Variants in ABLIM1 observed in about 807,000 individuals in gnomAD.
The protein encoded by ABLIM1 is actin-binding LIM protein 1.
ABLIM1 carries 40 observed loss-of-function variants against 107.0 expected under a neutral mutation model. That is an observed-to-expected ratio of 0.37 (90% CI 0.29 to 0.49). ABLIM1 has a LOEUF of 0.49. Among genes scored for constraint, ABLIM1 ranks in the 20% least tolerant of loss-of-function variants. The pLI is 0.97. For missense variants in ABLIM1, 857 were observed against 1,008.5 expected (o/e 0.85, Z 2.04); for synonymous variants, 357 against 357.3 (o/e 1.00, Z 0.01).
At position 114,439,181 on chromosome 10, in the gene ABLIM1, G is replaced by T; in HGVS notation, c.2137C>A (p.Pro713Thr). The stretch of plus-strand genomic sequence containing the variant: ...AAAAGAACAGCTGCACTTGCCTTTG[G>T]TTCCAACATGTTGGGCATAGACACT... The part of the protein sequence containing the change: ...RGVSMPNMLE[P>T]KIFPYEMLMV... The change falls in exon 21 of 23, where the codon CCA becomes ACA. Residue 713 changes from proline to threonine, a missense_variant. By Grantham distance (38) the Pro-to-Thr change is conservative (BLOSUM62 -1). Coordinates refer to ENST00000533213, the MANE Select transcript of ABLIM1 (RefSeq NM_002313.7). 1 of 1,614,188 alleles carries T rather than the reference G, an allele frequency of 6.2e-7. No individual in the cohort carries two copies. The highest frequency in any genetic ancestry group is 8.5e-7 in the Non-Finnish European group (1 of 1,180,028).
In ABLIM1 at chr10:114,693,827, T is replaced by C. The variant is rs748889266; in HGVS notation, c.-213+74234A>G. The stretch of plus-strand genomic sequence containing the variant: ...CATGCCTGGCTGATTTTAAAAAAAC[T>C]TTTTTTTTTTTTTTTGTAGAGATTG... On this transcript the variant is annotated intron_variant, in intron 1 of 15. Coordinates refer to the ABLIM1 transcript ENST00000651092. Among the ~76,000 whole-genome samples, 120 of 29,196 alleles carry C rather than the reference T, an allele frequency of 4.1e-3. No individual in the cohort carries two copies. The South Asian group carries it at 0.062, about 15-fold the overall frequency. 19.2% of individuals were successfully genotyped at this position (29,196 alleles called of 152,430 possible). A position where few individuals can be genotyped will look rare whatever the true frequency, so the allele number is the denominator to read the frequency against.
chr10:114,767,940 G>A (rs967806635), intron 1 of ABLIM1: 16 of 337,298 alleles, frequency 4.7e-5, no homozygotes, highest in African/African-American at 2.5e-4. Flanking sequence ...CGAGCCCGGG[G>A]ATCCGCTGCC....
intron 2 of ABLIM1, among the ~76,000 whole-genome samples, chr10:114,578,674 G>T (rs2072949429): frequency 6.6e-6 from 1 of 151,856 alleles, no homozygotes; most frequent in Non-Finnish European, 1.5e-5. Context: ...CCAAAATGCT[G>T]GGATTACAGG....
At chr10:114,767,917 C>T (rs868061400) in intron 1 of ABLIM1, 1 of 309,110 alleles carries the variant, frequency 3.2e-6, no homozygotes, top group Non-Finnish European at 6.5e-6. Flanking sequence ...CTGCCCCCGG[C>T]CCCCGGCAGC....
intron 6 of ABLIM1, among the ~76,000 whole-genome samples, chr10:114,516,604 A>C (rs950488815): frequency 1.6e-4 from 25 of 152,246 alleles, no homozygotes; most frequent in Middle Eastern, 3.2e-3. Context: ...CCTTAAAGAA[A>C]CTATTGAAAA....
chr10:114,695,076 G>C (rs1288829451), intron 1 of ABLIM1, among the ~76,000 whole-genome samples: 2 of 152,158 alleles, frequency 1.3e-5, no homozygotes, highest in Non-Finnish European at 2.9e-5. Context: ...TGAGAGTTTA[G>C]CATGTAGGTC....
At chr10:114,696,725 C>T (rs1452953134) in intron 1 of ABLIM1, among the ~76,000 whole-genome samples, 1 of 152,184 alleles carries the variant, frequency 6.6e-6, no homozygotes, top group Non-Finnish European at 1.5e-5. Flanking sequence ...GAGGCCTCCC[C>T]AGTCACATGG....
intron 1 of ABLIM1, among the ~76,000 whole-genome samples, chr10:114,720,216 T>C (rs889836009): frequency 1.8e-4 from 27 of 152,240 alleles, no homozygotes; most frequent in African/African-American, 6.0e-4. Flanking sequence ...TTCCTTTTTA[T>C]GGCTGCATAG....
Position 114,445,365 on chromosome 10 carries a change from C to T in ABLIM1, c.1774G>A (p.Asp592Asn), listed in dbSNP as rs1246035957. ...CGACGTCTCAGAAGTTCCTCATCAT[C>T]TTCCTCTCTGCCACTAGATCTGCGT... The part of the protein sequence containing the change: ...MKRRSSGREE[D>N]DEELLRRRQL... Residue 592 changes from aspartate (D) to asparagine (N), a missense_variant, in exon 16 of 23, where the codon GAT becomes AAT. Around this residue, in one of 5 missense-constraint regions of ABLIM1, gnomAD observed 103 missense variants for 101.0 expected, o/e 1.02. Coordinates refer to ENST00000533213, the MANE Select transcript of ABLIM1 (RefSeq NM_002313.7). 2.1e-5 allele frequency: 34 copies of T among 1,613,616 alleles called. No homozygotes were observed. The highest frequency in any genetic ancestry group is 2.7e-5 in the Non-Finnish European group (32 of 1,179,822).
intron 1 of ABLIM1, among the ~76,000 whole-genome samples, chr10:114,635,703 G>A (rs1458167006): frequency 1.3e-5 from 2 of 152,196 alleles, no homozygotes; most frequent in African/African-American, 2.4e-5. Context: ...AGTATTTTTA[G>A]TAGAGACAGG....
chr10:114,599,048 T>C (rs967331985), intron 2 of ABLIM1, among the ~76,000 whole-genome samples: 45 of 152,164 alleles, frequency 3.0e-4, no homozygotes, highest in African/African-American at 1.1e-3. Context: ...ATGGGGAACC[T>C]AAACCACTTT....
chr10:114,627,109 A>G (rs2077862462), intron 1 of ABLIM1, among the ~76,000 whole-genome samples: 1 of 152,190 alleles, frequency 6.6e-6, no homozygotes, highest in South Asian at 2.1e-4. Context: ...TGCCACTAGC[A>G]AACTGATACC....
intron 2 of ABLIM1, among the ~76,000 whole-genome samples, chr10:114,592,620 C>A (rs2075010492): frequency 6.6e-6 from 1 of 151,946 alleles, no homozygotes; most frequent in Non-Finnish European, 1.5e-5. Context: ...GCAGAGAGAC[C>A]CGCTAAAATT....
intron 1 of ABLIM1, among the ~76,000 whole-genome samples, chr10:114,605,106 A>G (rs1377512077): frequency 6.6e-6 from 1 of 152,224 alleles, no homozygotes; most frequent in Non-Finnish European, 1.5e-5. Context: ...GCATCTCAGA[A>G]CAACCTATTT....
At chr10:114,773,668 G>A in the ABLIM1 span, among the ~76,000 whole-genome samples, 9 of 152,206 alleles carry the variant, frequency 5.9e-5, no homozygotes, top group Admixed American at 3.9e-4. Context: ...GATGCAGTGA[G>A]CTGAGATTGC....
At chr10:114,747,121 G>T (rs2082401183) in intron 1 of ABLIM1, among the ~76,000 whole-genome samples, 1 of 152,152 alleles carries the variant, frequency 6.6e-6, no homozygotes, top group African/African-American at 2.4e-5. Context: ...TTAAAAAACA[G>T]ACACCATTTT....
chr10:114,672,760 G>A (rs1219391812), intron 1 of ABLIM1, among the ~76,000 whole-genome samples: 1 of 152,114 alleles, frequency 6.6e-6, no homozygotes, highest in Non-Finnish European at 1.5e-5. Context: ...TAGCTTTTAT[G>A]TTCCATCTCA....
intron 4 of ABLIM1, among the ~76,000 whole-genome samples, chr10:114,552,470 G>A (rs1349104368): frequency 1.5e-5 from 2 of 133,582 alleles, no homozygotes; most frequent in African/African-American, 2.8e-5. Flanking sequence ...TCCTACCCAG[G>A]AAAAATAATG....
the ABLIM1 span, among the ~76,000 whole-genome samples, chr10:114,794,325 A>G: frequency 1.3e-5 from 2 of 152,334 alleles, no homozygotes; most frequent in Admixed American, 1.3e-4. Context: ...CCCAATTACA[A>G]TGCAAGTGCC....
Sources: gnomAD v4.1 joint callset for allele counts (sites outside exome capture counted in the v4.1 genomes callset) on GRCh38, gnomAD v4.1.1 for gene constraint, gnomAD v4.1.1 regional missense constraint, MANE v1.5 for transcripts, NCBI Gene and HGNC (gene_info 2026-07-23, HGNC 2026-07-21) for gene names.